NRXN1: variants seen among roughly 807,000 people sequenced by gnomAD.
NRXN1 encodes the protein neurexin-1.
A neutral mutation model predicts 150.9 loss-of-function variants in NRXN1; 39 were observed. That is an observed-to-expected ratio of 0.26 (90% CI 0.20 to 0.34). The LOEUF (loss-of-function observed/expected upper bound fraction) is 0.34. NRXN1 is among the 10% of genes least tolerant of loss of function. The probability of loss-of-function intolerance (pLI) is 1.00; values close to 1 mark genes in which losing one functional copy is unlikely to be tolerated. For missense variants in NRXN1, 1,815 were observed against 1,949.9 expected, an observed-to-expected ratio of 0.93 and a Z score of 1.30; for synonymous variants, 924 against 757.0, an observed-to-expected ratio of 1.22 and a Z score of -3.62.
chr2:50,146,580 AAT>A (rs199838076), intron 18 of NRXN1, among the ~76,000 whole-genome samples: 3,577 of 151,812 alleles, frequency 0.024, 143 homozygotes, highest in African/African-American at 0.082. Context: ...ATGCTGTGAA[AAT>A]AAATGATAAG....
At chr2:49,924,445 C>T (rs1328549691) in intron 22 of NRXN1, among the ~76,000 whole-genome samples, 2 of 151,940 alleles carry the variant, frequency 1.3e-5, no homozygotes, top group African/African-American at 2.4e-5. Context: ...CGTAAATGGA[C>T]TATCTTATCA....
In NRXN1 at chr2:50,746,928, A is replaced by T. The variant is rs116123937; in HGVS notation, c.833-123313T>A. Among the ~76,000 whole-genome samples, 658 of 152,222 alleles carry T rather than the reference A, an allele frequency of 4.3e-3. 5 individuals carry two copies. Among genetic ancestry groups the T allele is most frequent in the African/African-American group, 0.015 (631 of 41,548 alleles). ...GCAAATTTTTTTTTAACACATACCTAGGGAACTTATGAACACTCTAGTTAG... is the reference window on the plus strand; with the variant it reads ...GCAAATTTTTTTTTAACACATACCTTGGGAACTTATGAACACTCTAGTTAG... On this transcript the variant is annotated intron_variant, in intron 5 of 22. Coordinates refer to ENST00000401669, the MANE Select transcript of NRXN1 (RefSeq NM_001330078.2).
chr2:50,889,782 A>C (rs1680785895), intron 5 of NRXN1, among the ~76,000 whole-genome samples: 1 of 151,630 alleles, frequency 6.6e-6, no homozygotes, highest in Non-Finnish European at 1.5e-5. Context: ...AAATGTTATA[A>C]AACAAATTTT....
chr2:50,985,881 A>G (rs1386122464), intron 2 of NRXN1, among the ~76,000 whole-genome samples: 1 of 151,768 alleles, frequency 6.6e-6, no homozygotes. Flanking sequence ...TGTCCCATAT[A>G]TGACTTACAA....
chr2:50,909,074 G>T (rs1684160656), intron 5 of NRXN1, among the ~76,000 whole-genome samples: 1 of 152,022 alleles, frequency 6.6e-6, no homozygotes. Context: ...TTAAGTAAAT[G>T]AGAAATTAGA....
intron 5 of NRXN1, among the ~76,000 whole-genome samples, chr2:50,859,413 A>G (rs1675767504): frequency 6.6e-6 from 1 of 152,026 alleles, no homozygotes; most frequent in Admixed American, 6.6e-5. Context: ...GATTTTATTC[A>G]GCTCATAAAA....
chr2:50,302,110 A>T (rs1188057152), intron 17 of NRXN1, among the ~76,000 whole-genome samples: 2 of 151,866 alleles, frequency 1.3e-5, no homozygotes, highest in Non-Finnish European at 2.9e-5. Flanking sequence ...ATGTAGGAAA[A>T]AAAATGAGAA....
At chr2:50,061,835 G>A (rs1049727883) in intron 19 of NRXN1, among the ~76,000 whole-genome samples, 3 of 152,132 alleles carry the variant, frequency 2.0e-5, no homozygotes, top group African/African-American at 7.2e-5. Flanking sequence ...AAATGTCAGT[G>A]ACAACATACA....
chr2:50,252,233 C>CTTTTTTTTTTTTTTTTTTTTTTTTTT (rs55993018), intron 17 of NRXN1, among the ~76,000 whole-genome samples: 1 of 94,916 alleles, frequency 1.1e-5, no homozygotes, highest in East Asian at 3.2e-4. Context: ...ACATTTTGTC[C>CTTTTTTTTTTTTTTTTTTTTTTTTTT]TTTTTTTTTT....
chr2:50,401,570 G>T (rs943483956), intron 17 of NRXN1, among the ~76,000 whole-genome samples: 1 of 151,960 alleles, frequency 6.6e-6, no homozygotes, highest in South Asian at 2.1e-4. Context: ...AGGGAAGACA[G>T]GACACTTTAC....
chr2:50,640,764 T>C (rs987421546), intron 5 of NRXN1, among the ~76,000 whole-genome samples: 1 of 152,230 alleles, frequency 6.6e-6, no homozygotes, highest in African/African-American at 2.4e-5. Flanking sequence ...CCTAATTAGC[T>C]AAATTCAGTT....
At chr2:50,493,421 G>A (rs2091376417) in intron 15 of NRXN1, among the ~76,000 whole-genome samples, 1 of 152,142 alleles carries the variant, frequency 6.6e-6, no homozygotes, top group Non-Finnish European at 1.5e-5. Context: ...CAGCTCCACA[G>A]CACCTAAAAG....
chr2:50,472,691 G>C (rs2104709299), intron 15 of NRXN1, among the ~76,000 whole-genome samples: 1 of 151,790 alleles, frequency 6.6e-6, no homozygotes, highest in African/African-American at 2.4e-5. Context: ...GACAACTAAA[G>C]TAATTCCATA....
chr2:50,864,549 G>A (rs1317447562), intron 5 of NRXN1, among the ~76,000 whole-genome samples: 1 of 151,900 alleles, frequency 6.6e-6, no homozygotes, highest in Non-Finnish European at 1.5e-5. Flanking sequence ...CTGATTACTC[G>A]AAATAATCTT....
At chr2:50,143,140 G>A (rs150771250) in intron 18 of NRXN1, among the ~76,000 whole-genome samples, 12 of 150,600 alleles carry the variant, frequency 8.0e-5, no homozygotes, top group Admixed American at 6.7e-4. Flanking sequence ...GGAAAGGAGA[G>A]GAAGAGAAAG....
intron 18 of NRXN1, among the ~76,000 whole-genome samples, chr2:50,220,487 A>G (rs1296813404): frequency 2.0e-5 from 3 of 151,990 alleles, no homozygotes; most frequent in African/African-American, 7.2e-5. Context: ...AGAACATTCC[A>G]TGGGATTTGA....
At position 50,623,620 on chromosome 2, in the gene NRXN1, A is replaced by C. The variant is rs199712573; in HGVS notation, c.833-5T>G. ...TGGCAATATATTCTTCTTTTCCTAG[A>C]GGAAAACAGATGATACATACATAAG... is the stretch of plus-strand genomic sequence containing the variant. On this transcript the variant is annotated splice_region_variant and splice_polypyrimidine_tract_variant and intron_variant, in intron 5 of 22. Transcript: ENST00000401669. 3.9e-5 allele frequency: 62 copies of C among 1,601,742 alleles called. No homozygotes were observed. The African/African-American group carries it at 7.8e-4, about 20-fold the overall frequency.
chr2:50,545,889 C>A (rs541264625), intron 9 of NRXN1, among the ~76,000 whole-genome samples: 3 of 152,056 alleles, frequency 2.0e-5, no homozygotes, highest in African/African-American at 4.8e-5. Context: ...TACTTTAAAT[C>A]ATCTCTAAAC....
At chr2:50,694,849 G>T (rs1465174264) in intron 5 of NRXN1, among the ~76,000 whole-genome samples, 2 of 152,146 alleles carry the variant, frequency 1.3e-5, no homozygotes, top group Non-Finnish European at 2.9e-5. Context: ...TTTAGCAATA[G>T]TCTTTCCTTG....
Sources: allele counts gnomAD v4.1 joint callset (sites outside exome capture counted in the v4.1 genomes callset), GRCh38; gene constraint gnomAD v4.1.1; transcripts MANE v1.5; gene names NCBI Gene and HGNC (gene_info 2026-07-23, HGNC 2026-07-21).